Variants in ELAVL2 observed in about 807,000 individuals in gnomAD.
The protein encoded by ELAVL2 is ELAV like RNA binding protein 2.
ELAVL2 carries 4 observed loss-of-function variants against 34.6 expected under a neutral mutation model. The ratio of observed to expected loss-of-function variants is 0.12; its 90% CI spans 0.06 to 0.26. ELAVL2 has a LOEUF of 0.26. Ranked by LOEUF, ELAVL2 falls within the 10% of genes least tolerant of loss-of-function variation. ELAVL2 has a pLI of 1.00. For synonymous variants in ELAVL2, 193 were observed against 154.8 expected (o/e 1.25, Z -1.83); for missense variants, 432 against 442.8 (o/e 0.98, Z 0.22).
rs2033339959 is a variant in ELAVL2, at chr9:23,692,084, T to A, written c.*473A>T. On this transcript the variant is annotated 3_prime_UTR_variant, in exon 7 of 7. Transcript: ENST00000397312. ...ATAAATAAAAATGTAAACTTCAAAATACTTTTCTTAAACAGACATAACAGC... is the reference window on the plus strand; with the variant it reads ...ATAAATAAAAATGTAAACTTCAAAAAACTTTTCTTAAACAGACATAACAGC... The A allele has an allele frequency of 6.5e-6, 1 of 154,080 alleles. No homozygotes were observed. The highest frequency in any genetic ancestry group is 6.4e-5 in the Admixed American group (1 of 15,552). 9.5% of individuals were successfully genotyped at this position (154,080 alleles called of 1,614,324 possible). A position where few individuals can be genotyped will look rare whatever the true frequency, so the allele number is the denominator to read the frequency against.
chr9:23,777,521 C>T (rs1202260984), intron 1 of ELAVL2, among the ~76,000 whole-genome samples: 4 of 152,140 alleles, frequency 2.6e-5, no homozygotes, highest in African/African-American at 9.7e-5. Flanking sequence ...CTTTGTCAGG[C>T]TAAAACCCAG....
intron 6 of ELAVL2, among the ~76,000 whole-genome samples, 177 bp downstream of exon 6, chr9:23,693,271 C>T (rs752129203): frequency 6.6e-6 from 1 of 152,058 alleles, no homozygotes; most frequent in Admixed American, 6.6e-5. Context: ...AGGTGGCATC[C>T]GGTGGTATAA....
At chr9:23,765,202 G>T (rs1034628297) in intron 1 of ELAVL2, 5 of 1,002,376 alleles carry the variant, frequency 5.0e-6, no homozygotes, top group African/African-American at 3.3e-5. Context: ...TTCCCAGCAC[G>T]TCCATGCAGT....
chr9:23,778,836 C>A (rs2058633852), intron 1 of ELAVL2, among the ~76,000 whole-genome samples: 1 of 152,180 alleles, frequency 6.6e-6, no homozygotes, highest in Non-Finnish European at 1.5e-5. Context: ...CCTAATATGA[C>A]TGCCACAGAC....
chr9:23,811,130 T>C (rs1015522716), intron 1 of ELAVL2, among the ~76,000 whole-genome samples: 1 of 152,126 alleles, frequency 6.6e-6, no homozygotes, highest in Non-Finnish European at 1.5e-5. Flanking sequence ...TTATTCACTC[T>C]AAAACCAAAG....
chr9:23,758,010 T>A (rs1005269634), intron 2 of ELAVL2, among the ~76,000 whole-genome samples: 4 of 152,104 alleles, frequency 2.6e-5, no homozygotes, highest in Non-Finnish European at 5.9e-5. Flanking sequence ...AAGGAAAGAT[T>A]TCAAATCTTC....
intron 1 of ELAVL2, among the ~76,000 whole-genome samples, chr9:23,777,066 C>G (rs1437511224): frequency 6.6e-6 from 1 of 152,200 alleles, no homozygotes; most frequent in Non-Finnish European, 1.5e-5. Flanking sequence ...TTTAAAAGAA[C>G]TCTCAGTAGA....
chr9:23,704,755 T>C (rs1374209808), intron 4 of ELAVL2, among the ~76,000 whole-genome samples, 163 bp downstream of exon 4: 1 of 152,178 alleles, frequency 6.6e-6, no homozygotes, highest in Non-Finnish European at 1.5e-5. Flanking sequence ...TCTATTTTTA[T>C]CCATGCATAT....
intron 2 of ELAVL2, among the ~76,000 whole-genome samples, chr9:23,742,621 G>A (rs752826436): frequency 3.9e-5 from 6 of 152,034 alleles, no homozygotes; most frequent in Non-Finnish European, 7.4e-5. Context: ...CCCTTCCACC[G>A]GGGGGAAAAT....
upstream of ELAVL2, chr9:23,830,334 G>C (rs1445530546): frequency 6.6e-6 from 1 of 152,142 alleles, no homozygotes; most frequent in Non-Finnish European, 1.5e-5. Context: ...ACTTTCGTTA[G>C]GGACAGTGCC....
intron 1 of ELAVL2, among the ~76,000 whole-genome samples, chr9:23,790,082 A>C (rs970528224): frequency 6.6e-6 from 1 of 151,970 alleles, no homozygotes; most frequent in East Asian, 1.9e-4. Context: ...AAAAAAAAAC[A>C]ACCTTTCAAC....
intron 2 of ELAVL2, among the ~76,000 whole-genome samples, chr9:23,740,517 G>A (rs953511747): frequency 6.6e-6 from 1 of 152,108 alleles, no homozygotes; most frequent in African/African-American, 2.4e-5. Flanking sequence ...TACATCCAAA[G>A]TTTACAACTT....
intron 2 of ELAVL2, among the ~76,000 whole-genome samples, chr9:23,751,683 T>C (rs117521377): frequency 0.039 from 5,984 of 152,250 alleles, 184 homozygotes; most frequent in Middle Eastern, 0.14. Flanking sequence ...TAAGCCGCAG[T>C]TGGTTTTTAT....
intron 1 of ELAVL2, among the ~76,000 whole-genome samples, chr9:23,819,957 A>T (rs964838381): frequency 1.1e-4 from 17 of 152,274 alleles, no homozygotes; most frequent in African/African-American, 3.9e-4. Context: ...CAAACCTCCT[A>T]TAAAGAAGGC....
chr9:23,836,272 A>G, the ELAVL2 span, among the ~76,000 whole-genome samples: 1 of 152,242 alleles, frequency 6.6e-6, no homozygotes, highest in Non-Finnish European at 1.5e-5. Context: ...AAGATGTCAC[A>G]TAAATGAATG....
intron 2 of ELAVL2, among the ~76,000 whole-genome samples, chr9:23,759,334 A>G (rs1424830770): frequency 2.0e-5 from 3 of 151,976 alleles, no homozygotes. Context: ...ACACGATCTC[A>G]TAGGTAGAAT....
At chr9:23,797,960 A>T (rs1326607395) in intron 1 of ELAVL2, among the ~76,000 whole-genome samples, 3 of 152,214 alleles carry the variant, frequency 2.0e-5, no homozygotes, top group Non-Finnish European at 4.4e-5. Flanking sequence ...AAAGAAAAAA[A>T]AAGTATGGGA....
intron 1 of ELAVL2, among the ~76,000 whole-genome samples, chr9:23,799,720 G>T (rs774626233): frequency 6.6e-6 from 1 of 152,134 alleles, no homozygotes; most frequent in Non-Finnish European, 1.5e-5. Context: ...CACACCCAAG[G>T]TGCTTCCTGC....
intron 3 of ELAVL2, among the ~76,000 whole-genome samples, chr9:23,722,119 C>T (rs2043881625): frequency 6.6e-6 from 1 of 152,074 alleles, no homozygotes; most frequent in Admixed American, 6.6e-5. Flanking sequence ...AGAACACACA[C>T]TAAAAGTAAT....
Sources: allele counts gnomAD v4.1 joint callset (sites outside exome capture counted in the v4.1 genomes callset), GRCh38; gene constraint gnomAD v4.1.1; transcripts MANE v1.5; gene names NCBI Gene and HGNC (gene_info 2026-07-23, HGNC 2026-07-21).